Variants in DHRSX observed in about 807,000 individuals in gnomAD.
DHRSX encodes the protein polyprenol dehydrogenase.
A neutral mutation model predicts 34.0 loss-of-function variants in DHRSX; 31 were observed. That is an observed-to-expected ratio of 0.91 (90% CI 0.69 to 1.23). DHRSX has a LOEUF of 1.23. DHRSX is among the 50% of genes most tolerant of loss of function. The pLI is 0.00. For synonymous variants in DHRSX, 201 were observed against 183.8 expected, an observed-to-expected ratio of 1.09 and a Z score of -0.76; for missense variants, 414 against 428.1, an observed-to-expected ratio of 0.97 and a Z score of 0.29.
At chrX:2,299,460 T>C (rs1277642532) in intron 3 of DHRSX, among the ~76,000 whole-genome samples, 2 of 151,978 alleles carry the variant, frequency 1.3e-5, no homozygotes, top group African/African-American at 4.8e-5. Flanking sequence ...AGAAAGTGAG[T>C]CTACAATTCT....
chrX:2,342,343 C>CA (rs1186147983), intron 3 of DHRSX, among the ~76,000 whole-genome samples: 1 of 152,098 alleles, frequency 6.6e-6, no homozygotes, highest in African/African-American at 2.4e-5. Flanking sequence ...CACACACCCT[C>CA]ACTCCTTGTG....
intron 2 of DHRSX, among the ~76,000 whole-genome samples, chrX:2,418,495 T>C (rs1325688159): frequency 6.6e-6 from 1 of 152,196 alleles, no homozygotes; most frequent in Non-Finnish European, 1.5e-5. Flanking sequence ...GGTGTTTTCT[T>C]CCTTTCCTAG....
At chrX:2,294,215 T>C (rs1451942633) in intron 3 of DHRSX, among the ~76,000 whole-genome samples, 2 of 150,122 alleles carry the variant, frequency 1.3e-5, no homozygotes, top group African/African-American at 4.9e-5. Context: ...CGGGAGACAG[T>C]AAAAGGGACA....
chrX:2,416,058 G>A (rs754556823), intron 2 of DHRSX, among the ~76,000 whole-genome samples: 24 of 145,988 alleles, frequency 1.6e-4, no homozygotes, highest in African/African-American at 4.1e-4. Context: ...CAACCCAACC[G>A]GACCTCCTCA....
At position 2,256,266 on chromosome X, in the gene DHRSX, G is replaced by T. The variant is rs149585349; in HGVS notation, c.596+10474C>A. On this transcript the variant is annotated intron_variant, in intron 5 of 6. Transcript: ENST00000334651. ...TCTCAGCCTCCCAAAGTGCTGGGAT[G>T]ACAGACTTAAGCCACTGTGCCTGCC... Among the ~76,000 whole-genome samples the T allele has an allele frequency of 9.9e-3, 1,465 of 148,624 alleles. 23 individuals carry two copies. Among genetic ancestry groups the T allele is most frequent in the African/African-American group, 0.034 (1,386 of 40,414 alleles).
chrX:2,430,037 A>G (rs1226135611), intron 1 of DHRSX, among the ~76,000 whole-genome samples: 1 of 152,054 alleles, frequency 6.6e-6, no homozygotes, highest in African/African-American at 2.4e-5. Context: ...CAACAGCAAC[A>G]CTGAAATGAG....
chrX:2,260,137 T>A (rs1486488307), intron 5 of DHRSX, among the ~76,000 whole-genome samples: 5 of 149,112 alleles, frequency 3.4e-5, no homozygotes, highest in Admixed American at 6.7e-5. Context: ...CCACGTGGCC[T>A]TCTCCTCTGT....
chrX:2,457,992 C>T (rs1266296716), intron 1 of DHRSX, among the ~76,000 whole-genome samples: 5 of 151,616 alleles, frequency 3.3e-5, no homozygotes, highest in East Asian at 2.0e-4. Flanking sequence ...CCGCAGTGTG[C>T]ACACTGAAGA....
intron 3 of DHRSX, among the ~76,000 whole-genome samples, chrX:2,308,075 A>G (rs1371874571): frequency 6.6e-6 from 1 of 152,132 alleles, no homozygotes; most frequent in Non-Finnish European, 1.5e-5. Context: ...TTCTATTTAG[A>G]TAATTTAGAG....
At chrX:2,497,765 A>C (rs2045318750) in intron 1 of DHRSX, among the ~76,000 whole-genome samples, 1 of 152,218 alleles carries the variant, frequency 6.6e-6, no homozygotes, top group African/African-American at 2.4e-5. Flanking sequence ...TGTATCAGAG[A>C]AAATGTAATT....
At position 2,271,881 on chromosome X, in the gene DHRSX, A is replaced by C. The variant is rs557887691; in HGVS notation, c.389-4934T>G. ...ACATGGAGAAACCTTGTCTCTACTA[A>C]AAATACAAAATTAGCCGGGCGTGGT... On this transcript the variant is annotated intron_variant, in intron 4 of 6. Coordinates refer to ENST00000334651, the MANE Select transcript of DHRSX (RefSeq NM_145177.3). Among the ~76,000 whole-genome samples, 7 of 152,200 alleles carry C rather than the reference A, an allele frequency of 4.6e-5. No individual in the cohort carries two copies. In the South Asian group the frequency reaches 1.0e-3, roughly 23 times the overall value.
chrX:2,484,129 T>C (rs936277320), intron 1 of DHRSX, among the ~76,000 whole-genome samples: 4 of 152,074 alleles, frequency 2.6e-5, no homozygotes, highest in Non-Finnish European at 4.4e-5. Flanking sequence ...CCCACCACCA[T>C]GCCCAGCTAA....
At chrX:2,325,792 G>A (rs1433940685) in intron 3 of DHRSX, among the ~76,000 whole-genome samples, 1 of 152,110 alleles carries the variant, frequency 6.6e-6, no homozygotes, top group East Asian at 1.9e-4. Context: ...CATCACATTT[G>A]GTGCCAGCTG....
intron 6 of DHRSX, among the ~76,000 whole-genome samples, chrX:2,231,523 AT>A (rs2015878168): frequency 5.9e-5 from 7 of 119,614 alleles, no homozygotes; most frequent in South Asian, 5.3e-4. Flanking sequence ...TTTCCCCCTT[AT>A]CCTCCTCCTA....
intron 5 of DHRSX, among the ~76,000 whole-genome samples, chrX:2,258,272 C>A (rs1407439980): frequency 6.6e-6 from 1 of 152,016 alleles, no homozygotes; most frequent in Admixed American, 6.6e-5. Flanking sequence ...CACACACACA[C>A]ACAAAGGGAC....
intron 3 of DHRSX, among the ~76,000 whole-genome samples, chrX:2,339,213 G>A (rs892405986): frequency 2.0e-5 from 3 of 151,858 alleles, no homozygotes; most frequent in Non-Finnish European, 2.9e-5. Context: ...TCGGCTCACT[G>A]CAACCTCCAC....
chrX:2,419,242 C>T (rs1459429319), intron 2 of DHRSX, among the ~76,000 whole-genome samples: 2 of 152,156 alleles, frequency 1.3e-5, no homozygotes, highest in Admixed American at 6.5e-5. Flanking sequence ...ATAAAAGAGA[C>T]CCCATCCAGG....
intron 3 of DHRSX, among the ~76,000 whole-genome samples, chrX:2,362,618 T>C (rs751261764): frequency 6.6e-6 from 1 of 152,258 alleles, no homozygotes; most frequent in East Asian, 1.9e-4. Flanking sequence ...TTATAAGTGA[T>C]ATGAGCATAG....
chrX:2,444,981 A>AC (rs1350933751), intron 1 of DHRSX, among the ~76,000 whole-genome samples: 2 of 151,976 alleles, frequency 1.3e-5, no homozygotes, highest in Non-Finnish European at 2.9e-5. Context: ...ACATGGAGAA[A>AC]CCCCGTCTCT....
Sources: allele counts gnomAD v4.1 joint callset (sites outside exome capture counted in the v4.1 genomes callset), GRCh38; gene constraint gnomAD v4.1.1; transcripts MANE v1.5; gene names NCBI Gene and HGNC (gene_info 2026-07-23, HGNC 2026-07-21).